TFAP4: variants seen among roughly 807,000 people sequenced by gnomAD.
TFAP4 encodes activating enhancer-binding protein 4.
Under a neutral mutation model 40.4 loss-of-function variants are expected in TFAP4, and 7 were observed. The observed-to-expected ratio is 0.17, with a 90% CI of 0.10 to 0.33. TFAP4 has a LOEUF of 0.33. Among genes scored for constraint, TFAP4 ranks in the 10% least tolerant of loss-of-function variants. TFAP4 has a pLI of 1.00. For synonymous variants in TFAP4, 218 were observed against 181.4 expected (o/e 1.20, Z -1.62); for missense variants, 374 against 451.1 (o/e 0.83, Z 1.55).
At position 4,257,621 on chromosome 16, in the gene TFAP4, A is replaced by C; in HGVS notation, c.*434T>G. ...CCAACCATGTAAGTGCTTAAAGGAG[A>C]AAGAAGAAAACCCAAAAAGAGGAAG... is the stretch of plus-strand genomic sequence containing the variant. On this transcript the variant is annotated 3_prime_UTR_variant, in exon 7 of 7. Coordinates refer to ENST00000204517, the MANE Select transcript of TFAP4 (RefSeq NM_003223.3). 6.2e-6 allele frequency: 1 copy of C among 160,408 alleles called. No individual in the cohort carries two copies. The highest frequency in any genetic ancestry group is 6.1e-5 in the Admixed American group (1 of 16,524). The allele number at this position is 160,408 out of a possible 1,614,324, so 9.9% of individuals were successfully genotyped here. A position where few individuals can be genotyped will look rare whatever the true frequency, so the allele number is the denominator to read the frequency against.
intron 1 of TFAP4, among the ~76,000 whole-genome samples, chr16:4,268,813 C>T (rs538191485): frequency 2.6e-5 from 4 of 152,124 alleles, no homozygotes; most frequent in African/African-American, 9.6e-5. Flanking sequence ...AGGCTGGTCT[C>T]GAACTCCTGG....
intron 1 of TFAP4, among the ~76,000 whole-genome samples, chr16:4,270,306 T>C (rs1349380802): frequency 6.6e-6 from 1 of 152,220 alleles, no homozygotes; most frequent in African/African-American, 2.4e-5. Context: ...AACCTGCAGC[T>C]TGTGTGTGCA....
intron 6 of TFAP4, among the ~76,000 whole-genome samples, chr16:4,259,414 T>A (rs1002416648): frequency 5.9e-5 from 9 of 152,112 alleles, no homozygotes; most frequent in African/African-American, 1.2e-4. Flanking sequence ...GGATTGCAGG[T>A]GTGAGCCACC....
chr16:4,258,046 G>T lies in TFAP4; in HGVS notation c.*9C>A, dbSNP rs200099469. On this transcript the variant is annotated 3_prime_UTR_variant, in exon 7 of 7. Transcript: ENST00000204517. Reference sequence around the variant, plus strand: ...GCCCCCAGAAGGGAGAGGAGGGCTGGGGGGGTAGTCAGGGAAGCTCCCCGT... The same window carrying T: ...GCCCCCAGAAGGGAGAGGAGGGCTGTGGGGGTAGTCAGGGAAGCTCCCCGT... 9.3e-6 allele frequency: 15 copies of T among 1,608,302 alleles called. No homozygotes were observed. Among genetic ancestry groups the T allele is most frequent in the Non-Finnish European group, 1.3e-5 (15 of 1,178,744 alleles).
Position 4,262,337 on chromosome 16 carries a change from T to A in TFAP4, c.341A>T (p.Lys114Met). The A allele has an allele frequency of 6.2e-7, 1 of 1,614,216 alleles. No individual in the cohort carries two copies. Among genetic ancestry groups the A allele is most frequent in the Non-Finnish European group, 8.5e-7 (1 of 1,180,040 alleles). The change falls in exon 3 of 7, where the codon AAG becomes ATG. Residue 114 changes from lysine (K) to methionine (M), a missense_variant. Around this residue, in one of 6 missense-constraint regions of TFAP4, gnomAD observed 51 missense variants for 91.1 expected, o/e 0.56. Coordinates refer to ENST00000204517, the MANE Select transcript of TFAP4 (RefSeq NM_003223.3). Reference sequence around the variant, plus strand: ...GACAGGGCGCACCTGGATGAAGCGCTTGAGCTGTGTGTTCTGCTGCAAGAG... The same window carrying A: ...GACAGGGCGCACCTGGATGAAGCGCATGAGCTGTGTGTTCTGCTGCAAGAG... ...TRLLQQNTQL[K>M]RFIQELSGSS...
chr16:4,267,366 C>A (rs1007105816), intron 1 of TFAP4, among the ~76,000 whole-genome samples: 1 of 152,222 alleles, frequency 6.6e-6, no homozygotes, highest in African/African-American at 2.4e-5. Context: ...TGCAAGCCAG[C>A]CTCCTGGGTC....
chr16:4,257,262 C>T lies in TFAP4; in HGVS notation c.*793G>A, dbSNP rs1567198864. 7.1e-6 allele frequency: 1 copy of T among 140,712 alleles called. No individual in the cohort carries two copies. Among genetic ancestry groups the T allele is most frequent in the African/African-American group, 2.7e-5 (1 of 37,000 alleles). 8.7% of individuals were successfully genotyped at this position (140,712 alleles called of 1,614,324 possible). The stretch of plus-strand genomic sequence containing the variant: ...CTCTTGGTTTTTTTCTCCCCACTTT[C>T]TTAACAAAATATAATAGCTTCTCCT... On this transcript the variant is annotated 3_prime_UTR_variant, in exon 7 of 7. Transcript: ENST00000204517.
At chr16:4,270,175 T>C (rs1202737922) in intron 1 of TFAP4, among the ~76,000 whole-genome samples, 2 of 149,764 alleles carry the variant, frequency 1.3e-5, no homozygotes, top group Non-Finnish European at 3.0e-5. Flanking sequence ...AGACTCCGTC[T>C]CAAAAAAAAA....
chr16:4,260,022 G>A, intron 6 of TFAP4, 68 bp downstream of exon 6: 1 of 1,491,622 alleles, frequency 6.7e-7, no homozygotes, highest in South Asian at 1.3e-5. Context: ...CTCTTTTCCA[G>A]TCTCCCCTAA....
At chr16:4,259,566 G>GC in intron 6 of TFAP4, among the ~76,000 whole-genome samples, 1 of 151,992 alleles carries the variant, frequency 6.6e-6, no homozygotes, top group Non-Finnish European at 1.5e-5. Context: ...TCCTGTTTTG[G>GC]CTTTTTTGGT....
chr16:4,272,863 G>T lies in TFAP4; in HGVS notation c.-117C>A. Reference sequence around the variant, plus strand: ...GGAGGTGCAGAATCGGCCGGTCCCAGATGCTGGCGGCGGCGGCGGCGGCGA... The same window carrying T: ...GGAGGTGCAGAATCGGCCGGTCCCATATGCTGGCGGCGGCGGCGGCGGCGA... On this transcript the variant is annotated 5_prime_UTR_variant, in exon 1 of 7. It adds an upstream start codon to the 5' untranslated region. Transcript: ENST00000204517. 3.9e-6 allele frequency: 2 copies of T among 514,286 alleles called. No homozygotes were observed. The highest frequency in any genetic ancestry group is 5.8e-6 in the Non-Finnish European group (2 of 347,194). The allele number at this position is 514,286 out of a possible 1,614,324, so 31.9% of individuals were successfully genotyped here.
In TFAP4 at chr16:4,261,489, G is replaced by A. The variant is rs570756971; in HGVS notation, c.525+290C>T. Among the ~76,000 whole-genome samples the A allele has an allele frequency of 6.6e-5, 10 of 150,794 alleles. No homozygotes were observed. The East Asian group carries it at 1.6e-3, about 24-fold the overall frequency. ...TTTTTAGTAGAGACGGGGTTTCACC[G>A]TGTTAGCCAGGATGGTATCGATCTG... On this transcript the variant is annotated intron_variant, in intron 4 of 6. Coordinates refer to ENST00000204517, the MANE Select transcript of TFAP4 (RefSeq NM_003223.3).
Position 4,257,886 on chromosome 16 carries a change from A to G in TFAP4, c.*169T>C. On this transcript the variant is annotated 3_prime_UTR_variant, in exon 7 of 7. Coordinates refer to ENST00000204517, the MANE Select transcript of TFAP4 (RefSeq NM_003223.3). ...ACCCCAGCCCCGGGACCTCGGGTTG[A>G]GTGGCTTCGTTCAAAGGTCGATTTA... The G allele has an allele frequency of 1.4e-6, 1 of 691,050 alleles. No individual in the cohort carries two copies. Among genetic ancestry groups the G allele is most frequent in the Non-Finnish European group, 2.3e-6 (1 of 429,146 alleles). The allele number at this position is 691,050 out of a possible 1,614,324, so 42.8% of individuals were successfully genotyped here.
chr16:4,258,016 C>G lies in TFAP4; in HGVS notation c.*39G>C. 6.3e-7 allele frequency: 1 copy of G among 1,589,846 alleles called. No individual in the cohort carries two copies. The highest frequency in any genetic ancestry group is 8.5e-7 in the Non-Finnish European group (1 of 1,169,812). On this transcript the variant is annotated 3_prime_UTR_variant, in exon 7 of 7. Transcript: ENST00000204517. ...CTCTCCCTGTGGCTGCCCCGGCTCCCTCCAGCCCCCAGAAGGGAGAGGAGG... is the reference window on the plus strand; with the variant it reads ...CTCTCCCTGTGGCTGCCCCGGCTCCGTCCAGCCCCCAGAAGGGAGAGGAGG...
Position 4,258,006 on chromosome 16 carries a change from C to T in TFAP4, c.*49G>A, listed in dbSNP as rs779440676. On this transcript the variant is annotated 3_prime_UTR_variant, in exon 7 of 7. Coordinates refer to ENST00000204517, the MANE Select transcript of TFAP4 (RefSeq NM_003223.3). ...TCGCCCATGTCTCTCCCTGTGGCTGCCCCGGCTCCCTCCAGCCCCCAGAAG... is the reference window on the plus strand; with the variant it reads ...TCGCCCATGTCTCTCCCTGTGGCTGTCCCGGCTCCCTCCAGCCCCCAGAAG... 5 of 1,563,800 alleles carry T rather than the reference C, an allele frequency of 3.2e-6. No homozygotes were observed. The highest frequency in any genetic ancestry group is 1.7e-6 in the Non-Finnish European group (2 of 1,153,710).
At chr16:4,265,773 C>G (rs28651981) in intron 1 of TFAP4, 3 of 152,258 alleles carry the variant, frequency 2.0e-5, no homozygotes, top group African/African-American at 7.2e-5. Flanking sequence ...AATGCAGGGT[C>G]GTGGGAAGGA....
Position 4,261,284 on chromosome 16 carries a change from A to AT in TFAP4, c.525+494dup, listed in dbSNP as rs111832163. On this transcript the variant is annotated intron_variant, in intron 4 of 6. Coordinates refer to ENST00000204517, the MANE Select transcript of TFAP4 (RefSeq NM_003223.3). ...ACCATACCCAGCCCATCACGGTTAC[A>AT]TTTTTTTTTTTTTGAGATGGAGTCT... 8.1e-3 allele frequency among the ~76,000 whole-genome samples: 1,191 copies of AT among 146,246 alleles called. 15 individuals carry two copies. The highest frequency in any genetic ancestry group is 0.012 in the Non-Finnish European group (811 of 66,412).
In TFAP4 at chr16:4,272,793, C is replaced by T. The variant is rs1415364254; in HGVS notation, c.-47G>A. The stretch of plus-strand genomic sequence containing the variant: ...GCACGAGCCAGGTCCCGCGATCAGC[C>T]GGAGAATGCAAGATGGAAATCCGAA... On this transcript the variant is annotated 5_prime_UTR_variant, in exon 1 of 7. Coordinates refer to ENST00000204517, the MANE Select transcript of TFAP4 (RefSeq NM_003223.3). 5 of 1,576,482 alleles carry T rather than the reference C, an allele frequency of 3.2e-6. No homozygotes were observed. Among genetic ancestry groups the T allele is most frequent in the East Asian group, 2.2e-5 (1 of 44,460 alleles).
intron 6 of TFAP4, chr16:4,258,925 C>G (rs1225712359): frequency 6.6e-6 from 1 of 151,828 alleles, no homozygotes; most frequent in Non-Finnish European, 1.5e-5. Flanking sequence ...CAGAAGCCTA[C>G]TAAAAATACA....
Sources: allele counts gnomAD v4.1 joint callset (sites outside exome capture counted in the v4.1 genomes callset), GRCh38; gene constraint gnomAD v4.1.1; regional missense constraint gnomAD v4.1.1; transcripts MANE v1.5; gene names NCBI Gene and HGNC (gene_info 2026-07-23, HGNC 2026-07-21).